Variants in APBB2 observed in about 807,000 individuals in gnomAD.
APBB2 encodes Fe65-like 1.
A neutral mutation model predicts 82.5 loss-of-function variants in APBB2; 38 were observed. The ratio of observed to expected loss-of-function variants is 0.46; its 90% CI spans 0.36 to 0.60. The LOEUF is 0.60. Ranked by LOEUF, APBB2 falls within the 20% of genes least tolerant of loss-of-function variation. The pLI, the probability that APBB2 is intolerant of heterozygous loss-of-function variation, is 0.00. For missense variants in APBB2, 772 were observed against 972.3 expected, an observed-to-expected ratio of 0.79 and a Z score of 2.74; for synonymous variants, 341 against 368.2, an observed-to-expected ratio of 0.93 and a Z score of 0.85.
chr4:40,903,781 G>C (rs1416645358), intron 10 of APBB2, among the ~76,000 whole-genome samples: 1 of 152,180 alleles, frequency 6.6e-6, no homozygotes, highest in Non-Finnish European at 1.5e-5. Flanking sequence ...TAGATCCTAG[G>C]AACATGGTGA....
chr4:41,175,812 A>G (rs951755131), intron 1 of APBB2, among the ~76,000 whole-genome samples: 3 of 152,214 alleles, frequency 2.0e-5, no homozygotes, highest in African/African-American at 7.2e-5. Context: ...GAAAACAGCA[A>G]AAGACTGGAA....
chr4:40,921,241 T>C (rs1255772765), intron 10 of APBB2, among the ~76,000 whole-genome samples: 1 of 152,218 alleles, frequency 6.6e-6, no homozygotes, highest in Non-Finnish European at 1.5e-5. Context: ...AACATAATCA[T>C]TATTGTACTA....
rs73810823 is a variant in APBB2 at position 41,088,412 on chromosome 4, G to A, written c.-149+12227C>T. Among the ~76,000 whole-genome samples the A allele has an allele frequency of 6.0e-4, 91 of 152,336 alleles. 1 individual carries two copies. Among genetic ancestry groups the A allele is most frequent in the African/African-American group, 2.1e-3 (88 of 41,576 alleles). The stretch of plus-strand genomic sequence containing the variant: ...GGATTATATGGGGAGCTTCTGTACT[G>A]ATACTAGACTTTTTGACAGCTGTGG... On this transcript the variant is annotated intron_variant, in intron 3 of 17. Coordinates refer to ENST00000508593, the MANE Select transcript of APBB2 (RefSeq NM_004307.2).
At chr4:40,909,178 G>A (rs1777887505) in intron 10 of APBB2, among the ~76,000 whole-genome samples, 1 of 152,224 alleles carries the variant, frequency 6.6e-6, no homozygotes, top group African/African-American at 2.4e-5. Flanking sequence ...TATTTGCAAT[G>A]CCTGCCCCAC....
chr4:40,890,979 G>A (rs1270713310), intron 11 of APBB2: 1 of 153,074 alleles, frequency 6.5e-6, no homozygotes, highest in African/African-American at 2.4e-5. Flanking sequence ...CTGGCAGACA[G>A]CAGGCACAGC....
chr4:40,950,515 C>G (rs1341345815), intron 6 of APBB2, among the ~76,000 whole-genome samples: 1 of 152,154 alleles, frequency 6.6e-6, no homozygotes, highest in Non-Finnish European at 1.5e-5. Context: ...AGTTTAAGAC[C>G]AGCCTGGGTA....
chr4:40,823,585 C>T (rs1237513027), intron 16 of APBB2, 59 bp downstream of exon 16: 1 of 1,226,640 alleles, frequency 8.2e-7, no homozygotes, highest in African/African-American at 1.5e-5. Context: ...CACAGAAAAC[C>T]ACTGTATCTT....
chr4:40,946,491 G>A (rs949844462), intron 6 of APBB2, among the ~76,000 whole-genome samples: 9 of 151,946 alleles, frequency 5.9e-5, no homozygotes, highest in Non-Finnish European at 1.3e-4. Context: ...CATCATATCT[G>A]GCCTTTCTAC....
intron 6 of APBB2, among the ~76,000 whole-genome samples, chr4:40,977,716 T>C (rs953069072): frequency 8.5e-5 from 13 of 152,184 alleles, no homozygotes; most frequent in African/African-American, 3.1e-4. Context: ...ATGGTGTACA[T>C]ACAGACTGAA....
In APBB2 at chr4:40,849,734, T is replaced by G. The variant is rs796871255; in HGVS notation, c.1530-19157A>C. On this transcript the variant is annotated intron_variant, in intron 12 of 17. Transcript: ENST00000508593. ...CTGTTTACTAAAGTTACTTTTTTTT[T>G]TTTTTTTTTTTGAGACAGAGTCTCG... Among the ~76,000 whole-genome samples the G allele has an allele frequency of 1.7e-3, 260 of 149,100 alleles. 5 individuals are homozygous for G. Among genetic ancestry groups the G allele is most frequent in the African/African-American group, 5.9e-3 (241 of 40,618 alleles).
At chr4:41,023,319 T>C (rs1410542029) in intron 5 of APBB2, among the ~76,000 whole-genome samples, 5 of 152,228 alleles carry the variant, frequency 3.3e-5, no homozygotes, top group Admixed American at 2.6e-4. Context: ...TTAGATCCTA[T>C]GTCTATGTCT....
intron 6 of APBB2, among the ~76,000 whole-genome samples, chr4:40,967,845 T>C (rs1038658076): frequency 1.3e-5 from 2 of 152,160 alleles, no homozygotes; most frequent in Non-Finnish European, 2.9e-5. Context: ...CCTGTGACAT[T>C]TGTACCCCTA....
intron 10 of APBB2, among the ~76,000 whole-genome samples, chr4:40,894,138 AT>A (rs1560818076): frequency 1.3e-5 from 2 of 152,104 alleles, no homozygotes; most frequent in Non-Finnish European, 2.9e-5. Context: ...AATGCAAAAA[AT>A]TAGCCAGGCG....
rs1385862244 is a variant in APBB2 at position 40,821,966 on chromosome 4, T to A, written c.2017A>T (p.Ile673Phe). Reference protein sequence around the residue: ...VGKDVHTFAFIMDTGNQRFEC... With the variant: ...VGKDVHTFAFFMDTGNQRFEC... ...AAGCGCTGGTTCCCCGTGTCCATGA[T>A]GAAGGCAAATGTGTGGACGTCCTTC... The change falls in exon 17 of 18, where the codon ATC (isoleucine) becomes TTC (phenylalanine). Residue 673 changes from isoleucine to phenylalanine, a missense_variant. Transcript: ENST00000508593. 6.2e-7 allele frequency: 1 copy of A among 1,614,142 alleles called. No individual in the cohort carries two copies. Among genetic ancestry groups the A allele is most frequent in the East Asian group, 2.2e-5 (1 of 44,876 alleles).
At chr4:41,211,590 C>A (rs572243513) in intron 1 of APBB2, among the ~76,000 whole-genome samples, 1 of 152,206 alleles carries the variant, frequency 6.6e-6, no homozygotes, top group East Asian at 1.9e-4. Context: ...TCAAGTGATT[C>A]TCCTGCCTCA....
chr4:40,982,227 AAAGAAAGAAAGAAAG>A (rs1560445317), intron 6 of APBB2, among the ~76,000 whole-genome samples: 25 of 3,930 alleles, frequency 6.4e-3, no homozygotes, highest in Non-Finnish European at 8.0e-3. Context: ...GAAAGGAAAG[AAAGAAAGAAAGAAAG>A]AAAGAAAGAA....
At chr4:40,957,131 G>A (rs747323349) in intron 6 of APBB2, among the ~76,000 whole-genome samples, 4 of 152,152 alleles carry the variant, frequency 2.6e-5, no homozygotes, top group Admixed American at 2.0e-4. Flanking sequence ...GAACAAAGGC[G>A]GCGCAAAGCC....
At chr4:41,139,115 T>C (rs985112762) in intron 2 of APBB2, among the ~76,000 whole-genome samples, 5 of 152,170 alleles carry the variant, frequency 3.3e-5, no homozygotes, top group Admixed American at 2.0e-4. Flanking sequence ...CATGTTCACG[T>C]ATCAGAGCTC....
chr4:41,034,702 T>A (rs1025829310), intron 4 of APBB2, among the ~76,000 whole-genome samples: 4 of 152,244 alleles, frequency 2.6e-5, no homozygotes, highest in African/African-American at 4.8e-5. Flanking sequence ...GTAACATTTT[T>A]AAAAAGCGTA....
Sources: allele counts gnomAD v4.1 joint callset (sites outside exome capture counted in the v4.1 genomes callset), GRCh38; gene constraint gnomAD v4.1.1; transcripts MANE v1.5; gene names NCBI Gene and HGNC (gene_info 2026-07-23, HGNC 2026-07-21).